The following KCND3 variants were observed in gnomAD, a reference collection of about 807,000 sequenced individuals.
KCND3 encodes the protein A-type voltage-gated potassium channel KCND3.
KCND3 carries 9 observed loss-of-function variants against 51.1 expected under a neutral mutation model. The observed-to-expected ratio is 0.18, with a 90% CI of 0.11 to 0.31. The LOEUF (loss-of-function observed/expected upper bound fraction) is 0.31, where lower values mean the gene tolerates loss of function less well. KCND3 is among the 10% of genes least tolerant of loss of function. The pLI is 1.00. For missense variants in KCND3, 526 were observed against 903.8 expected (o/e 0.58, Z 5.36); for synonymous variants, 349 against 368.0 (o/e 0.95, Z 0.59).
intron 2 of KCND3, among the ~76,000 whole-genome samples, chr1:111,915,496 T>G (rs2101825001): frequency 6.6e-6 from 1 of 152,278 alleles, no homozygotes; most frequent in African/African-American, 2.4e-5. Context: ...CTCATGCCTG[T>G]AATCCCAGCA....
intron 2 of KCND3, among the ~76,000 whole-genome samples, chr1:111,829,073 A>C (rs1666711036): frequency 6.6e-6 from 1 of 152,226 alleles, no homozygotes; most frequent in Non-Finnish European, 1.5e-5. Context: ...TGTGAGTTTC[A>C]CTGTAGTAAG....
intron 3 of KCND3, among the ~76,000 whole-genome samples, chr1:111,786,290 A>C (rs533142070): frequency 6.6e-6 from 1 of 152,388 alleles, no homozygotes; most frequent in African/African-American, 2.4e-5. Context: ...CAAAGCCTTC[A>C]GACATTTTTC....
intron 2 of KCND3, among the ~76,000 whole-genome samples, chr1:111,890,969 A>T (rs1669793894): frequency 6.6e-6 from 1 of 151,962 alleles, no homozygotes; most frequent in African/African-American, 2.4e-5. Context: ...TGCAGGTGAA[A>T]CCCTGAGTGG....
chr1:111,900,683 C>T (rs1027975775), intron 2 of KCND3, among the ~76,000 whole-genome samples: 8 of 151,990 alleles, frequency 5.3e-5, no homozygotes, highest in East Asian at 3.9e-4. Flanking sequence ...TGAGGCCAGG[C>T]GCAGTGGCTC....
chr1:111,823,920 T>C (rs1010834063), intron 2 of KCND3, among the ~76,000 whole-genome samples: 2 of 152,128 alleles, frequency 1.3e-5, no homozygotes, highest in Admixed American at 1.3e-4. Flanking sequence ...AAGCTCACAT[T>C]TGAAGACAAA....
chr1:111,895,243 C>T (rs913172673), intron 2 of KCND3, among the ~76,000 whole-genome samples: 24 of 151,218 alleles, frequency 1.6e-4, no homozygotes, highest in African/African-American at 5.6e-4. Flanking sequence ...GATGATTCTA[C>T]CTCAGCTGTG....
rs532560889 is a variant in KCND3 at position 111,814,763 on chromosome 1, G to A, written c.1107-27657C>T. On this transcript the variant is annotated intron_variant, in intron 2 of 7. Coordinates refer to ENST00000302127, the MANE Select transcript of KCND3 (RefSeq NM_001378969.1). ...CTGTTTCTTCAGATGTCTGGCTTGT[G>A]CAGGGGACACAGGCCCAGCAGCCCA... 2.0e-5 allele frequency among the ~76,000 whole-genome samples: 3 copies of A among 152,350 alleles called. No homozygotes were observed. In the East Asian group the frequency reaches 5.8e-4, roughly 29 times the overall value.
intron 2 of KCND3, chr1:111,910,251 G>C (rs1009561992): frequency 2.0e-5 from 3 of 152,190 alleles, no homozygotes; most frequent in Non-Finnish European, 4.4e-5. Flanking sequence ...CCCCACCCAA[G>C]GGCACGGAAT....
At chr1:111,850,583 A>G (rs975874002) in intron 2 of KCND3, among the ~76,000 whole-genome samples, 2 of 152,196 alleles carry the variant, frequency 1.3e-5, no homozygotes, top group Non-Finnish European at 2.9e-5. Flanking sequence ...GGCGCACTGA[A>G]CTGGAACCTC....
chr1:111,781,283 G>A (rs1263486567), intron 3 of KCND3, among the ~76,000 whole-genome samples: 1 of 152,100 alleles, frequency 6.6e-6, no homozygotes, highest in Non-Finnish European at 1.5e-5. Flanking sequence ...GCTCTTCAAT[G>A]CTTCTTAACT....
chr1:111,853,838 G>C (rs1018535199), intron 2 of KCND3: 1 of 152,176 alleles, frequency 6.6e-6, no homozygotes, highest in Admixed American at 6.5e-5. Context: ...CCACCTTTTT[G>C]AGTTTTTGTG....
intron 2 of KCND3, among the ~76,000 whole-genome samples, chr1:111,968,346 G>T (rs3008540): frequency 6.6e-6 from 1 of 151,864 alleles, no homozygotes; most frequent in South Asian, 2.1e-4. Flanking sequence ...AAGAGAAATG[G>T]GCCACAGAAG....
chr1:111,982,326 T>A lies in KCND3; in HGVS notation c.401A>T (p.Glu134Val), dbSNP rs759208746. The part of the protein sequence containing the change: ...LPEIIGDCCY[E>V]EYKDRKRENA... ...CTCCCTCTTGCGGTCCTTGTACTCC[T>A]CGTAGCAGCAGTCCCCGATGATCTC... The change falls in exon 2 of 8, where the codon GAG (glutamate) becomes GTG (valine). Residue 134 changes from glutamate (E) to valine (V), a missense_variant. This residue lies in a region of KCND3 where 159 missense variants were observed against 262.8 expected (regional missense o/e 0.61). Transcript: ENST00000302127. The surrounding 1 kb of genome is among the most constrained non-coding windows in gnomAD (Gnocchi z 8.5). The A allele has an allele frequency of 6.2e-7, 1 of 1,614,122 alleles. No individual in the cohort carries two copies. Among genetic ancestry groups the A allele is most frequent in the Non-Finnish European group, 8.5e-7 (1 of 1,180,028 alleles).
chr1:111,807,671 G>A (rs560053324), intron 2 of KCND3, among the ~76,000 whole-genome samples: 9 of 149,928 alleles, frequency 6.0e-5, no homozygotes, highest in East Asian at 5.9e-4. Context: ...GCAAGACTCC[G>A]TCTCAAAAAA....
At chr1:111,895,732 G>T (rs1421475567) in intron 2 of KCND3, among the ~76,000 whole-genome samples, 2 of 152,236 alleles carry the variant, frequency 1.3e-5, no homozygotes, top group Non-Finnish European at 2.9e-5. Flanking sequence ...GGGGCCAGGG[G>T]GCTGGATGCG....
intron 7 of KCND3, 86 bp from the exon 8 acceptor site, chr1:111,776,364 G>T: frequency 1.6e-6 from 2 of 1,212,968 alleles, no homozygotes; most frequent in Non-Finnish European, 1.2e-6. Context: ...CTTGCTCGTG[G>T]TAACTAGGAG....
intron 2 of KCND3, among the ~76,000 whole-genome samples, chr1:111,947,407 A>G (rs1043277668): frequency 6.6e-6 from 1 of 152,254 alleles, no homozygotes; most frequent in African/African-American, 2.4e-5. Context: ...TTTCCACAGC[A>G]CTTTAAAATG....
At chr1:111,862,085 G>A (rs751041687) in intron 2 of KCND3, among the ~76,000 whole-genome samples, 9 of 152,192 alleles carry the variant, frequency 5.9e-5, no homozygotes, top group East Asian at 1.9e-4. Context: ...AGTGCAGGGC[G>A]CTGGCTGGGG....
At chr1:111,825,409 T>C (rs1246480341) in intron 2 of KCND3, among the ~76,000 whole-genome samples, 3 of 152,178 alleles carry the variant, frequency 2.0e-5, no homozygotes, top group African/African-American at 7.2e-5. Flanking sequence ...AAGTTCCTCA[T>C]GTTGATTGTA....
Sources: gnomAD v4.1 joint callset for allele counts (sites outside exome capture counted in the v4.1 genomes callset) on GRCh38, gnomAD v4.1.1 for gene constraint, gnomAD v4.1.1 regional missense constraint, Gnocchi (gnomAD v3.1) non-coding constraint, MANE v1.5 for transcripts, NCBI Gene and HGNC (gene_info 2026-07-23, HGNC 2026-07-21) for gene names.